PCDHGA5: variants seen among roughly 807,000 people sequenced by gnomAD.
PCDHGA5 encodes the protein protocadherin gamma subfamily A, 5.
A neutral mutation model predicts 56.7 loss-of-function variants in PCDHGA5; 36 were observed. The ratio of observed to expected loss-of-function variants is 0.64; its 90% CI spans 0.49 to 0.84. The LOEUF (loss-of-function observed/expected upper bound fraction) is 0.84. Ranked by LOEUF, PCDHGA5 falls within the 40% of genes least tolerant of loss-of-function variation. PCDHGA5 has a pLI of 0.00. For missense variants in PCDHGA5, 1,305 were observed against 1,201.5 expected (o/e 1.09, Z -1.27); for synonymous variants, 563 against 520.2 (o/e 1.08, Z -1.12).
At chr5:141,423,033 C>A (rs2096701827) in intron 1 of PCDHGA5, 2 of 1,614,102 alleles carry the variant, frequency 1.2e-6, no homozygotes, top group Non-Finnish European at 1.7e-6. Flanking sequence ...CAGGCCAGAA[C>A]GCCTGGCTGT....
chr5:141,398,088 C>T lies in PCDHGA5; in HGVS notation c.2421+31337C>T, dbSNP rs781722295. On this transcript the variant is annotated intron_variant, in intron 1 of 3. Coordinates refer to ENST00000518069, the MANE Select transcript of PCDHGA5 (RefSeq NM_018918.3). ...AATACAGAGGTTATTTGTAACCTGGCGTCTCCAGGCTGGTGAGCAAGCTGA... is the reference window on the plus strand; with the variant it reads ...AATACAGAGGTTATTTGTAACCTGGTGTCTCCAGGCTGGTGAGCAAGCTGA... The T allele has an allele frequency of 1.1e-5, 18 of 1,598,420 alleles. 1 individual carries two copies. In the South Asian group the frequency reaches 1.9e-4, roughly 17 times the overall value.
intron 1 of PCDHGA5, chr5:141,385,141 G>T (rs1183220869): frequency 1.9e-6 from 3 of 1,614,202 alleles, no homozygotes; most frequent in Non-Finnish European, 2.5e-6. Context: ...CGGGGTGCAG[G>T]CTTTCCTGCA....
chr5:141,423,078 C>T (rs752144906), intron 1 of PCDHGA5: 2 of 1,614,108 alleles, frequency 1.2e-6, no homozygotes, highest in Non-Finnish European at 1.7e-6. Context: ...AGCCGGGACT[C>T]TTCGCGGTGG....
intron 1 of PCDHGA5, chr5:141,388,977 G>A (rs1299469066): frequency 6.2e-7 from 1 of 1,613,990 alleles, no homozygotes; most frequent in African/African-American, 1.3e-5. Context: ...AACACATATT[G>A]CTTTGCTCAA....
At position 141,366,619 on chromosome 5, in the gene PCDHGA5, G is replaced by T. The variant is rs769993265; in HGVS notation, c.2289G>T (p.Ser763=). The T allele has an allele frequency of 6.2e-7, 1 of 1,614,222 alleles. No homozygotes were observed. The highest frequency in any genetic ancestry group is 8.5e-7 in the Non-Finnish European group (1 of 1,180,042). The part of the protein sequence containing the change: ...YSHEVSLTAD[S]RKSHLIFPQP... Reference sequence around the variant, plus strand: ...ACGAGGTCTCCCTCACCGCGGACTCGAGGAAGAGTCACCTGATCTTTCCCC... The same window carrying T: ...ACGAGGTCTCCCTCACCGCGGACTCTAGGAAGAGTCACCTGATCTTTCCCC... Residue 763 remains serine (S), a synonymous_variant, in exon 1 of 4, where the codon TCG becomes TCT. Transcript: ENST00000518069.
chr5:141,491,178 C>T lies in PCDHGA5; in HGVS notation c.2422-3629C>T, dbSNP rs774139827. 6.2e-7 allele frequency: 1 copy of T among 1,614,146 alleles called. No individual in the cohort carries two copies. The highest frequency in any genetic ancestry group is 8.5e-7 in the Non-Finnish European group (1 of 1,179,992). On this transcript the variant is annotated intron_variant, in intron 1 of 3. Coordinates refer to ENST00000518069, the MANE Select transcript of PCDHGA5 (RefSeq NM_018918.3). The surrounding 1 kb of genome is among the most constrained non-coding windows in gnomAD (Gnocchi z 6.9). ...ACTCTGACACCCAGCAGGTGGTGGT[C>T]CTGGTGAGGGACAATGGTGACCCTT...
At chr5:141,381,830 T>C (rs796824162) in intron 1 of PCDHGA5, among the ~76,000 whole-genome samples, 3 of 133,454 alleles carry the variant, frequency 2.2e-5, no homozygotes, top group African/African-American at 9.3e-5. Flanking sequence ...CTTCTTCTTT[T>C]TTTTTTTTTT....
intron 1 of PCDHGA5, chr5:141,385,538 G>A (rs914768371): frequency 4.1e-5 from 55 of 1,337,642 alleles, no homozygotes; most frequent in Non-Finnish European, 4.8e-5. Flanking sequence ...TTATGAATAT[G>A]TGGACTATCA....
chr5:141,487,451 A>G lies in PCDHGA5; in HGVS notation c.2422-7356A>G. 6.2e-7 allele frequency: 1 copy of G among 1,614,122 alleles called. No homozygotes were observed. Among genetic ancestry groups the G allele is most frequent in the Non-Finnish European group, 8.5e-7 (1 of 1,180,006 alleles). On this transcript the variant is annotated intron_variant, in intron 1 of 3. Transcript: ENST00000518069. This position sits in a 1 kb window ranked among gnomAD's most constrained non-coding sequence, Gnocchi z 5.0. ...AATCCAGCTAGGGTCAGATGACCCT[A>G]TCAAGTTTGTTGATGTGGGAGGCCA...
intron 1 of PCDHGA5, chr5:141,478,893 T>G (rs1469313900): frequency 1.8e-6 from 2 of 1,102,894 alleles, no homozygotes; most frequent in Admixed American, 3.1e-5. Flanking sequence ...TCATTTACAT[T>G]AGGAATAAGC....
chr5:141,500,883 T>G (rs1250275850), intron 2 of PCDHGA5, among the ~76,000 whole-genome samples: 2 of 97,532 alleles, frequency 2.1e-5, no homozygotes, highest in African/African-American at 1.2e-4. Context: ...TACAATTTTT[T>G]TTTTTTGAGA....
At chr5:141,492,195 CTT>C (rs1240529719) in intron 1 of PCDHGA5, among the ~76,000 whole-genome samples, 1 of 152,242 alleles carries the variant, frequency 6.6e-6, no homozygotes, top group Non-Finnish European at 1.5e-5. Context: ...GTCTGCGGGA[CTT>C]AGGTGTGCGC....
In PCDHGA5 at chr5:141,489,432, G is replaced by A. The variant is rs2099687138; in HGVS notation, c.2422-5375G>A. ...TGACAGATCTGTTGAGCCGGCGGCTGCAATTGGGCTCTGAGGAGAATGGGC... is the reference window on the plus strand; with the variant it reads ...TGACAGATCTGTTGAGCCGGCGGCTACAATTGGGCTCTGAGGAGAATGGGC... On this transcript the variant is annotated intron_variant, in intron 1 of 3. Transcript: ENST00000518069. The surrounding 1 kb of genome is among the most constrained non-coding windows in gnomAD (Gnocchi z 4.5). 3.1e-6 allele frequency: 5 copies of A among 1,614,166 alleles called. No individual in the cohort carries two copies. Among genetic ancestry groups the A allele is most frequent in the Non-Finnish European group, 4.2e-6 (5 of 1,180,036 alleles).
chr5:141,382,880 G>A, intron 1 of PCDHGA5: 1 of 1,526,962 alleles, frequency 6.5e-7, no homozygotes, highest in Non-Finnish European at 8.8e-7. Context: ...CGGCGCCTAA[G>A]CAAGAGAAGC....
intron 1 of PCDHGA5, chr5:141,428,236 G>A (rs1474911413): frequency 9.7e-7 from 1 of 1,026,978 alleles, no homozygotes; most frequent in Admixed American, 1.9e-5. Context: ...CAGCCTGCAG[G>A]AGGCACTGCC....
intron 1 of PCDHGA5, chr5:141,421,168 A>G: frequency 1.5e-6 from 2 of 1,331,612 alleles, no homozygotes; most frequent in South Asian, 1.5e-5. Context: ...TCATAGATAC[A>G]TAAGCCGATT....
At chr5:141,481,963 TA>T (rs1158466251) in intron 1 of PCDHGA5, among the ~76,000 whole-genome samples, 1 of 148,746 alleles carries the variant, frequency 6.7e-6, no homozygotes, top group Non-Finnish European at 1.5e-5. Context: ...CAGGTGCCTG[TA>T]GTCACAGCTA....
Position 141,432,830 on chromosome 5 carries a change from C to G in PCDHGA5, c.2422-61977C>G, listed in dbSNP as rs780093171. On this transcript the variant is annotated intron_variant, in intron 1 of 3. Coordinates refer to ENST00000518069, the MANE Select transcript of PCDHGA5 (RefSeq NM_018918.3). The surrounding 1 kb of genome is among the most constrained non-coding windows in gnomAD (Gnocchi z 6.0). ...TAACTCTGAAACCTCAGACCTCACT[C>G]TGTACCTGGTGGTAGCGGTGGCCGC... 4 of 1,614,208 alleles carry G rather than the reference C, an allele frequency of 2.5e-6. No individual in the cohort carries two copies. The highest frequency in any genetic ancestry group is 2.2e-5 in the East Asian group (1 of 44,874).
intron 2 of PCDHGA5, among the ~76,000 whole-genome samples, chr5:141,500,985 C>T (rs2099804537): frequency 6.6e-6 from 1 of 152,048 alleles, no homozygotes; most frequent in Non-Finnish European, 1.5e-5. Flanking sequence ...TCTCCTGCCT[C>T]AGCCTCCTGA....
Sources: gnomAD v4.1 joint callset for allele counts (sites outside exome capture counted in the v4.1 genomes callset) on GRCh38, gnomAD v4.1.1 for gene constraint, Gnocchi (gnomAD v3.1) non-coding constraint, MANE v1.5 for transcripts, NCBI Gene and HGNC (gene_info 2026-07-23, HGNC 2026-07-21) for gene names.